Variants in TRPM1 observed in about 807,000 individuals in gnomAD.
TRPM1 encodes the protein transient receptor potential cation channel subfamily M member 1.
In TRPM1, 113 loss-of-function variants were observed where a neutral mutation model predicts 149.4. The ratio of observed to expected loss-of-function variants is 0.76; its 90% CI spans 0.65 to 0.88. The LOEUF is 0.88. Among genes scored for constraint, TRPM1 ranks in the 40% least tolerant of loss-of-function variants. TRPM1 has a pLI of 0.00. For synonymous variants in TRPM1, 741 were observed against 759.5 expected (o/e 0.98, Z 0.40); for missense variants, 1,976 against 2,038.7 (o/e 0.97, Z 0.59).
At chr15:31,146,627 C>G (rs913549467) in intron 1 of TRPM1, among the ~76,000 whole-genome samples, 1 of 152,200 alleles carries the variant, frequency 6.6e-6, no homozygotes, top group South Asian at 2.1e-4. Flanking sequence ...CTGATATTAA[C>G]CAATCCATGA....
intron 26 of TRPM1, among the ~76,000 whole-genome samples, 195 bp downstream of exon 26, chr15:31,026,720 A>G (rs1315242746): frequency 6.6e-6 from 1 of 152,224 alleles, no homozygotes; most frequent in African/African-American, 2.4e-5. Context: ...CTTTCCTAAT[A>G]TTAATTACTA....
chr15:31,028,042 C>T (rs1832526050), intron 25 of TRPM1, among the ~76,000 whole-genome samples: 2 of 151,966 alleles, frequency 1.3e-5, no homozygotes, highest in South Asian at 4.2e-4. Context: ...TATTCTGTAC[C>T]CCAGGAGACT....
At chr15:31,108,253 C>A (rs911310850) in intron 1 of TRPM1, among the ~76,000 whole-genome samples, 20 of 152,118 alleles carry the variant, frequency 1.3e-4, no homozygotes, top group African/African-American at 4.8e-4. Flanking sequence ...CTTATGAAGG[C>A]TTGTTTTATG....
At chr15:31,114,443 A>G (rs1464086131) in intron 1 of TRPM1, among the ~76,000 whole-genome samples, 2 of 152,208 alleles carry the variant, frequency 1.3e-5, no homozygotes, top group Non-Finnish European at 2.9e-5. Flanking sequence ...TTGATTCCAT[A>G]TCTTGCTGAA....
At chr15:31,116,412 C>T (rs933118928) in intron 1 of TRPM1, among the ~76,000 whole-genome samples, 1 of 151,884 alleles carries the variant, frequency 6.6e-6, no homozygotes, top group South Asian at 2.1e-4. Context: ...GTTTGAGAGC[C>T]GTCTGGCCAA....
rs755457742 is a variant in TRPM1, at chr15:31,002,866, C to T, written c.3834G>A (p.Thr1278=). The T allele has an allele frequency of 4.3e-6, 7 of 1,614,038 alleles. No homozygotes were observed. Among genetic ancestry groups the T allele is most frequent in the Admixed American group, 1.7e-5 (1 of 60,010 alleles). ...RSRASSECEA[T]YLLRQSSINS... ...TGATGCTGCTTTGCCGGAGAAGATACGTTGCCTCACATTCAGAAGAAGCCC... is the reference window on the plus strand; with the variant it reads ...TGATGCTGCTTTGCCGGAGAAGATATGTTGCCTCACATTCAGAAGAAGCCC... The change falls in exon 28 of 28, where the codon ACG becomes ACA. Residue 1278 remains threonine (T), a synonymous_variant. Transcript: ENST00000256552.
intron 7 of TRPM1, among the ~76,000 whole-genome samples, chr15:31,064,563 C>G (rs1156911555): frequency 6.6e-6 from 1 of 152,208 alleles, no homozygotes; most frequent in Non-Finnish European, 1.5e-5. Context: ...GCCTATTTCA[C>G]CAGCTGTCCA....
intron 1 of TRPM1, among the ~76,000 whole-genome samples, chr15:31,153,455 GT>G (rs2036329216): frequency 6.6e-6 from 1 of 152,190 alleles, no homozygotes. Flanking sequence ...CTCTTGAGTA[GT>G]GGGGATTACA....
intron 27 of TRPM1, among the ~76,000 whole-genome samples, chr15:31,017,022 C>T (rs12911930): frequency 0.23 from 34,823 of 151,642 alleles, 4,618 homozygotes; most frequent in Non-Finnish European, 0.3. Flanking sequence ...TTAAGAAAGT[C>T]GGCCGGTTGT....
At chr15:31,088,649 C>T (rs1330547221) in intron 1 of TRPM1, among the ~76,000 whole-genome samples, 4 of 152,186 alleles carry the variant, frequency 2.6e-5, no homozygotes, top group Non-Finnish European at 4.4e-5. Flanking sequence ...GCGGACATGC[C>T]ACACTCACGG....
intron 1 of TRPM1, among the ~76,000 whole-genome samples, chr15:31,136,481 C>G (rs777460048): frequency 5.3e-5 from 8 of 152,248 alleles, no homozygotes; most frequent in Non-Finnish European, 1.2e-4. Context: ...AGTTCCCACC[C>G]TCTACGAGGT....
At chr15:31,118,489 A>G (rs942778981) in intron 1 of TRPM1, among the ~76,000 whole-genome samples, 1 of 152,150 alleles carries the variant, frequency 6.6e-6, no homozygotes, top group Admixed American at 6.5e-5. Flanking sequence ...ATAGAAAACC[A>G]AAGACAAAGA....
At chr15:31,041,535 C>G (rs1046410895) in intron 17 of TRPM1, among the ~76,000 whole-genome samples, 2 of 152,178 alleles carry the variant, frequency 1.3e-5, no homozygotes, top group Non-Finnish European at 2.9e-5. Context: ...CTCCAGCCCC[C>G]TCTAGCCATC....
At chr15:31,104,325 C>A (rs969465396), upstream of TRPM1, among the ~76,000 whole-genome samples, 5 of 152,260 alleles carry the variant, frequency 3.3e-5, no homozygotes, top group Admixed American at 1.3e-4. Flanking sequence ...GCAGGGGACA[C>A]CCCAGGTGGA....
chr15:31,140,390 T>A (rs1439919451), intron 1 of TRPM1, among the ~76,000 whole-genome samples: 1 of 147,816 alleles, frequency 6.8e-6, no homozygotes, highest in Non-Finnish European at 1.5e-5. Context: ...AAAAAAAAAA[T>A]TAAATAATAG....
In TRPM1 at chr15:31,113,858, C is replaced by G. The variant is rs1327176306; in HGVS notation, c.55-36874G>C. ...GAACAGCAAAACAACGACGCTCCCACACGCTGGAAGGGTACCGAGCAAATT... is the reference window on the plus strand; with the variant it reads ...GAACAGCAAAACAACGACGCTCCCAGACGCTGGAAGGGTACCGAGCAAATT... On this transcript the variant is annotated intron_variant, in intron 1 of 26. Coordinates refer to the TRPM1 transcript ENST00000542188. 1.6e-3 allele frequency among the ~76,000 whole-genome samples: 239 copies of G among 152,282 alleles called. 2 individuals are homozygous for G. Among genetic ancestry groups the G allele is most frequent in the African/African-American group, 5.5e-3 (230 of 41,564 alleles).
chr15:31,132,155 T>C (rs902721041), intron 1 of TRPM1, among the ~76,000 whole-genome samples: 1 of 152,230 alleles, frequency 6.6e-6, no homozygotes, highest in Non-Finnish European at 1.5e-5. Flanking sequence ...TGGGTTTGCA[T>C]GGGCCTATTG....
At chr15:31,052,918 G>A (rs2033984490) in intron 11 of TRPM1, among the ~76,000 whole-genome samples, 1 of 152,170 alleles carries the variant, frequency 6.6e-6, no homozygotes, top group African/African-American at 2.4e-5. Context: ...TAACAAATCC[G>A]ATGGACTTTA....
At chr15:31,145,797 T>C (rs2036217490) in intron 1 of TRPM1, among the ~76,000 whole-genome samples, 1 of 152,134 alleles carries the variant, frequency 6.6e-6, no homozygotes, top group South Asian at 2.1e-4. Context: ...TTTTGATCTA[T>C]TTGATTTTAG....
Sources: allele counts gnomAD v4.1 joint callset (sites outside exome capture counted in the v4.1 genomes callset), GRCh38; gene constraint gnomAD v4.1.1; transcripts MANE v1.5; gene names NCBI Gene and HGNC (gene_info 2026-07-23, HGNC 2026-07-21).